Variants in DPP10 observed in about 807,000 individuals in gnomAD.
DPP10 encodes inactive dipeptidyl peptidase 10.
A neutral mutation model predicts 120.9 loss-of-function variants in DPP10; 33 were observed. That is an observed-to-expected ratio of 0.27 (90% CI 0.21 to 0.37). The LOEUF (loss-of-function observed/expected upper bound fraction) is 0.37. DPP10 is among the 10% of genes least tolerant of loss of function. DPP10 has a pLI of 1.00. For synonymous variants in DPP10, 337 were observed against 326.1 expected, an observed-to-expected ratio of 1.03 and a Z score of -0.36; for missense variants, 816 against 942.8, an observed-to-expected ratio of 0.87 and a Z score of 1.76.
chr2:115,836,799 G>C, intron 24 of DPP10, 53 bp downstream of exon 24: 1 of 1,539,092 alleles, frequency 6.5e-7, no homozygotes, highest in Non-Finnish European at 8.8e-7. Flanking sequence ...TTTTACAAAG[G>C]GATACATCTA....
intron 1 of DPP10, among the ~76,000 whole-genome samples, chr2:115,107,980 A>G (rs575996972): frequency 6.6e-6 from 1 of 152,268 alleles, no homozygotes; most frequent in Non-Finnish European, 1.5e-5. Flanking sequence ...AGTTTTTGAG[A>G]TTACTTCACA....
chr2:115,042,008 C>CTT (rs5833573), intron 1 of DPP10, among the ~76,000 whole-genome samples: 2,066 of 80,248 alleles, frequency 0.026, 74 homozygotes, highest in African/African-American at 0.031. Context: ...TCTATCTTAT[C>CTT]TTTTTTTTTT....
intron 1 of DPP10, among the ~76,000 whole-genome samples, chr2:115,009,733 A>G (rs951016355): frequency 6.6e-6 from 1 of 152,118 alleles, no homozygotes; most frequent in African/African-American, 2.4e-5. Context: ...TATGTAACAC[A>G]CCTGCACGTT....
chr2:114,607,316 C>T (rs1393966658), intron 1 of DPP10, among the ~76,000 whole-genome samples: 1 of 152,078 alleles, frequency 6.6e-6, no homozygotes, highest in Non-Finnish European at 1.5e-5. Context: ...ATAGATACAA[C>T]TGAGGGAAGA....
chr2:115,425,808 G>A (rs1199583825), intron 3 of DPP10, among the ~76,000 whole-genome samples: 3 of 152,256 alleles, frequency 2.0e-5, no homozygotes, highest in African/African-American at 4.8e-5. Flanking sequence ...AGCATAGCAC[G>A]GGCATCTGCT....
chr2:115,477,211 CAA>C, intron 3 of DPP10, among the ~76,000 whole-genome samples: 1 of 152,066 alleles, frequency 6.6e-6, no homozygotes, highest in East Asian at 1.9e-4. Context: ...AAACTGGAAA[CAA>C]AGAGGTAAAA....
intron 1 of DPP10, among the ~76,000 whole-genome samples, chr2:115,267,660 T>G (rs1455163747): frequency 6.6e-6 from 1 of 152,090 alleles, no homozygotes; most frequent in African/African-American, 2.4e-5. Flanking sequence ...GCACTTTCCT[T>G]CCTCGAGGCA....
intron 2 of DPP10, among the ~76,000 whole-genome samples, chr2:115,333,783 C>A (rs866786731): frequency 6.6e-6 from 1 of 152,010 alleles, no homozygotes. Context: ...GGGTTTCTGC[C>A]GAGAGATCCG....
chr2:115,650,369 A>G (rs1329390000), intron 5 of DPP10, among the ~76,000 whole-genome samples: 1 of 143,386 alleles, frequency 7.0e-6, no homozygotes, highest in Non-Finnish European at 1.5e-5. Context: ...TCGATCTTGA[A>G]GCATTGGCAT....
At chr2:115,745,515 A>G (rs894257320) in intron 9 of DPP10, among the ~76,000 whole-genome samples, 4 of 150,524 alleles carry the variant, frequency 2.7e-5, no homozygotes, top group Non-Finnish European at 4.4e-5. Flanking sequence ...AGGGTTGTCA[A>G]TTATGCAAAT....
chr2:115,285,889 G>GC (rs2060341910), intron 1 of DPP10, among the ~76,000 whole-genome samples: 1 of 151,982 alleles, frequency 6.6e-6, no homozygotes, highest in Non-Finnish European at 1.5e-5. Context: ...AGTTAATGAA[G>GC]CATTTTCTCT....
At chr2:114,942,298 C>CATATATATATATATATATATATATAT (rs752991108) in intron 1 of DPP10, among the ~76,000 whole-genome samples, 3 of 104,682 alleles carry the variant, frequency 2.9e-5, no homozygotes, top group Admixed American at 1.1e-4. Flanking sequence ...TATATATATA[C>CATATATATATATATATATATATATAT]ATATATATAT....
intron 5 of DPP10, among the ~76,000 whole-genome samples, chr2:115,635,416 A>G (rs1575403739): frequency 6.6e-6 from 1 of 151,986 alleles, no homozygotes; most frequent in African/African-American, 2.4e-5. Flanking sequence ...ACCATCACTC[A>G]CCGCCTCCCT....
chr2:115,324,557 T>G (rs181613258), intron 2 of DPP10, among the ~76,000 whole-genome samples: 11 of 152,298 alleles, frequency 7.2e-5, no homozygotes, highest in African/African-American at 2.6e-4. Context: ...TGAAGAGAGT[T>G]AGGACCTTAC....
At chr2:115,680,813 T>G (rs2090601318) in intron 5 of DPP10, among the ~76,000 whole-genome samples, 1 of 151,818 alleles carries the variant, frequency 6.6e-6, no homozygotes, top group African/African-American at 2.4e-5. Context: ...AAAAACAAAG[T>G]TATAATCTGT....
intron 2 of DPP10, among the ~76,000 whole-genome samples, chr2:115,332,504 T>C (rs1341638024): frequency 6.6e-6 from 1 of 152,194 alleles, no homozygotes; most frequent in African/African-American, 2.4e-5. Context: ...CTAGTTCTTT[T>C]AATTGTGTTG....
chr2:115,416,292 C>T (rs2069424659), intron 3 of DPP10, among the ~76,000 whole-genome samples: 1 of 152,094 alleles, frequency 6.6e-6, no homozygotes, highest in South Asian at 2.1e-4. Flanking sequence ...CCTGGTGTGA[C>T]ATTGAGTATA....
In DPP10 at chr2:114,993,557, T is replaced by C. The variant is rs1298868692; in HGVS notation, c.61-315682T>C. 2.9e-5 allele frequency among the ~76,000 whole-genome samples: 4 copies of C among 135,876 alleles called. No homozygotes were observed. In the East Asian group the frequency reaches 8.3e-4, roughly 28 times the overall value. The allele number at this position is 135,876 out of a possible 152,430, so 89.1% of individuals were successfully genotyped here. ...AATTCAATGTAGATAATGGATGGAT[T>C]CTTATTATGTGTGTGTGTGTGTGTA... On this transcript the variant is annotated intron_variant, in intron 1 of 25. Coordinates refer to ENST00000410059, the MANE Select transcript of DPP10 (RefSeq NM_020868.6).
chr2:114,461,665 C>A (rs1052083616), intron 1 of DPP10: 2 of 985,268 alleles, frequency 2.0e-6, no homozygotes, highest in East Asian at 2.3e-4. Context: ...GCCTGCTCTT[C>A]GGAGACAAAT....
Sources: allele counts gnomAD v4.1 joint callset (sites outside exome capture counted in the v4.1 genomes callset), GRCh38; gene constraint gnomAD v4.1.1; transcripts MANE v1.5; gene names NCBI Gene and HGNC (gene_info 2026-07-23, HGNC 2026-07-21).